Variants in CSMD3 observed in about 807,000 individuals in gnomAD.
CSMD3 encodes the protein CUB and Sushi multiple domains 3.
Under a neutral mutation model 435.2 loss-of-function variants are expected in CSMD3, and 177 were observed. That is an observed-to-expected ratio of 0.41 (90% CI 0.36 to 0.46). The LOEUF is 0.46. CSMD3 is among the 20% of genes least tolerant of loss of function. The pLI is 0.34. For missense variants in CSMD3, 4,265 were observed against 4,504.6 expected (o/e 0.95, Z 1.52); for synonymous variants, 1,656 against 1,520.5 (o/e 1.09, Z -2.07).
intron 13 of CSMD3, among the ~76,000 whole-genome samples, chr8:112,717,307 A>T (rs1418709490): frequency 6.6e-6 from 1 of 152,174 alleles, no homozygotes; most frequent in Non-Finnish European, 1.5e-5. Context: ...GCCAACAAAC[A>T]CACGACAAAA....
intron 4 of CSMD3, among the ~76,000 whole-genome samples, chr8:113,149,049 G>T (rs2091744254): frequency 6.6e-6 from 1 of 151,698 alleles, no homozygotes; most frequent in Non-Finnish European, 1.5e-5. Flanking sequence ...TCCTGAAAAT[G>T]TGTATTTTAT....
At chr8:113,068,275 A>T (rs2088949860) in intron 5 of CSMD3, among the ~76,000 whole-genome samples, 1 of 152,164 alleles carries the variant, frequency 6.6e-6, no homozygotes, top group African/African-American at 2.4e-5. Context: ...ATTGAAAATA[A>T]GGAAAATAAT....
chr8:112,356,424 C>T (rs912881002), intron 38 of CSMD3, among the ~76,000 whole-genome samples: 2 of 152,112 alleles, frequency 1.3e-5, no homozygotes, highest in African/African-American at 2.4e-5. Flanking sequence ...CCAAATACCA[C>T]ATATTGTCAC....
chr8:113,232,706 T>C (rs2093102164), intron 3 of CSMD3, among the ~76,000 whole-genome samples: 1 of 151,774 alleles, frequency 6.6e-6, no homozygotes, highest in Non-Finnish European at 1.5e-5. Context: ...TTTAAGGTAA[T>C]CAAATACCTT....
intron 1 of CSMD3, among the ~76,000 whole-genome samples, chr8:113,416,941 G>A (rs1563801381): frequency 1.3e-5 from 2 of 152,048 alleles, no homozygotes; most frequent in Non-Finnish European, 2.9e-5. Flanking sequence ...TGAATACTGT[G>A]AGGAAGGGAA....
intron 4 of CSMD3, among the ~76,000 whole-genome samples, chr8:113,131,161 T>C (rs1352609826): frequency 6.6e-6 from 1 of 151,976 alleles, no homozygotes; most frequent in Non-Finnish European, 1.5e-5. Context: ...TGTGGTAGAA[T>C]AAAAAAATCA....
intron 4 of CSMD3, among the ~76,000 whole-genome samples, chr8:113,116,659 T>C (rs1392467050): frequency 3.3e-5 from 5 of 152,086 alleles, no homozygotes; most frequent in Non-Finnish European, 7.4e-5. Flanking sequence ...CAAAAAACTG[T>C]AGAAAAGTTT....
At chr8:112,888,350 C>T (rs184000698) in intron 10 of CSMD3, among the ~76,000 whole-genome samples, 2 of 151,692 alleles carry the variant, frequency 1.3e-5, no homozygotes, top group East Asian at 2.0e-4. Flanking sequence ...ATCTGGCTAA[C>T]GTAGGCTTAA....
chr8:113,062,274 A>G (rs913219696), intron 5 of CSMD3, among the ~76,000 whole-genome samples: 3 of 151,900 alleles, frequency 2.0e-5, no homozygotes, highest in South Asian at 2.1e-4. Flanking sequence ...CAATAAGCCT[A>G]AGAAGTTTGT....
intron 5 of CSMD3, among the ~76,000 whole-genome samples, chr8:113,057,531 T>A (rs2131350835): frequency 6.6e-6 from 1 of 152,164 alleles, no homozygotes; most frequent in South Asian, 2.1e-4. Flanking sequence ...GAACAACTCA[T>A]AATAAATATT....
In CSMD3 at chr8:113,314,818, C is replaced by T. The variant is rs1007907196; in HGVS notation, c.179-25G>A. 6.7e-6 allele frequency: 9 copies of T among 1,341,738 alleles called. No homozygotes were observed. The African/African-American group carries it at 1.2e-4, about 17-fold the overall frequency. 83.1% of individuals were successfully genotyped at this position (1,341,738 alleles called of 1,614,324 possible). Reference sequence around the variant, plus strand: ...CCTGCAACAAAAGACAATAAACAGACATTAATATTATATAAATCAAGAACA... The same window carrying T: ...CCTGCAACAAAAGACAATAAACAGATATTAATATTATATAAATCAAGAACA... On this transcript the variant is annotated intron_variant, in intron 1 of 70. Coordinates refer to ENST00000297405, the MANE Select transcript of CSMD3 (RefSeq NM_198123.2).
At chr8:112,829,946 A>G (rs2079819678) in intron 11 of CSMD3, among the ~76,000 whole-genome samples, 157 bp from the exon 12 acceptor site, 1 of 152,154 alleles carries the variant, frequency 6.6e-6, no homozygotes, top group South Asian at 2.1e-4. Context: ...AATTATGTAT[A>G]AATATATATA....
chr8:112,988,841 T>C (rs1017326304), intron 6 of CSMD3, among the ~76,000 whole-genome samples: 16 of 152,188 alleles, frequency 1.1e-4, no homozygotes, highest in African/African-American at 2.6e-4. Flanking sequence ...CTAACACTTA[T>C]TGATCATTAT....
chr8:113,366,790 G>T (rs2133028198), intron 1 of CSMD3, among the ~76,000 whole-genome samples: 1 of 152,034 alleles, frequency 6.6e-6, no homozygotes, highest in South Asian at 2.1e-4. Flanking sequence ...GTAACCTATT[G>T]TATCTTAATA....
At chr8:113,083,628 G>T (rs191562871) in intron 5 of CSMD3, among the ~76,000 whole-genome samples, 2 of 151,846 alleles carry the variant, frequency 1.3e-5, no homozygotes, top group East Asian at 1.9e-4. Flanking sequence ...TAGTAAGAGA[G>T]GAAGAAACAA....
intron 1 of CSMD3, among the ~76,000 whole-genome samples, chr8:113,426,146 T>C (rs1283383696): frequency 6.6e-6 from 1 of 151,412 alleles, no homozygotes; most frequent in African/African-American, 2.4e-5. Context: ...TATGCAGCCT[T>C]TAGCAACACA....
chr8:112,814,894 T>C (rs1037970473), intron 12 of CSMD3, among the ~76,000 whole-genome samples: 1 of 152,148 alleles, frequency 6.6e-6, no homozygotes, highest in African/African-American at 2.4e-5. Flanking sequence ...CTCAAGGCCT[T>C]TGGATGCATC....
At chr8:112,320,162 C>T (rs1822859506) in intron 45 of CSMD3, among the ~76,000 whole-genome samples, 181 bp from the exon 46 acceptor site, 1 of 152,020 alleles carries the variant, frequency 6.6e-6, no homozygotes, top group African/African-American at 2.4e-5. Context: ...AATATTTTCC[C>T]ATGGTAACAA....
chr8:112,868,609 CTG>C lies in CSMD3; in HGVS notation c.1634-9345_1634-9344del, dbSNP rs2081049464. Among the ~76,000 whole-genome samples the C allele has an allele frequency of 2.0e-5, 3 of 152,004 alleles. No individual in the cohort carries two copies. The South Asian group carries it at 6.2e-4, about 32-fold the overall frequency. ...CCAAGATTGTATATGTTACACATGA[CTG>C]TATATGCAAAGCTACAGTAATCATA... On this transcript the variant is annotated intron_variant, in intron 10 of 70. Coordinates refer to ENST00000297405, the MANE Select transcript of CSMD3 (RefSeq NM_198123.2).
Sources: allele counts gnomAD v4.1 joint callset (sites outside exome capture counted in the v4.1 genomes callset), GRCh38; gene constraint gnomAD v4.1.1; transcripts MANE v1.5; gene names NCBI Gene and HGNC (gene_info 2026-07-23, HGNC 2026-07-21).